The following SLC24A2 variants were observed in gnomAD, a reference collection of about 807,000 sequenced individuals.
SLC24A2 encodes the protein sodium/potassium/calcium exchanger 2.
SLC24A2 carries 36 observed loss-of-function variants against 62.0 expected under a neutral mutation model. The ratio of observed to expected loss-of-function variants is 0.58; its 90% CI spans 0.44 to 0.77. The LOEUF (loss-of-function observed/expected upper bound fraction) is 0.77, where lower values mean the gene tolerates loss of function less well. Among genes scored for constraint, SLC24A2 ranks in the 30% least tolerant of loss-of-function variants. The probability of loss-of-function intolerance (pLI) is 0.00; values close to 1 mark genes in which losing one functional copy is unlikely to be tolerated. For synonymous variants in SLC24A2, 358 were observed against 294.0 expected, an observed-to-expected ratio of 1.22 and a Z score of -2.23; for missense variants, 846 against 817.9, an observed-to-expected ratio of 1.03 and a Z score of -0.42.
intron 2 of SLC24A2, among the ~76,000 whole-genome samples, chr9:19,649,354 A>C (rs1232202238): frequency 3.9e-5 from 6 of 152,142 alleles, no homozygotes; most frequent in Non-Finnish European, 8.8e-5. Context: ...ACACAAAAAT[A>C]TGTTGGGTAT....
intron 2 of SLC24A2, among the ~76,000 whole-genome samples, chr9:19,682,460 C>T (rs964605817): frequency 3.3e-5 from 5 of 152,118 alleles, no homozygotes; most frequent in Non-Finnish European, 5.9e-5. Context: ...CTCTTTTCCC[C>T]TTCTGTAAAT....
At chr9:20,168,868 T>A in the SLC24A2 span, among the ~76,000 whole-genome samples, 1 of 152,004 alleles carries the variant, frequency 6.6e-6, no homozygotes, top group Non-Finnish European at 1.5e-5. Context: ...CCCAAAACAA[T>A]TGAAACCAGG....
At chr9:19,754,400 A>G (rs1347024092) in intron 2 of SLC24A2, among the ~76,000 whole-genome samples, 1 of 152,196 alleles carries the variant, frequency 6.6e-6, no homozygotes, top group African/African-American at 2.4e-5. Context: ...TAAGCACTTC[A>G]ACTGAACCTT....
At chr9:19,782,664 C>T (rs768769281) in intron 2 of SLC24A2, among the ~76,000 whole-genome samples, 8 of 152,112 alleles carry the variant, frequency 5.3e-5, no homozygotes, top group Non-Finnish European at 1.0e-4. Context: ...TAATTTATTC[C>T]AACTCATTTT....
chr9:20,041,930 C>G, the SLC24A2 span, among the ~76,000 whole-genome samples: 14 of 152,356 alleles, frequency 9.2e-5, no homozygotes, highest in African/African-American at 3.4e-4. Context: ...CGAGAGCCCC[C>G]CTTTCTGTCC....
At chr9:19,747,718 A>C (rs1280039001) in intron 2 of SLC24A2, among the ~76,000 whole-genome samples, 1 of 152,158 alleles carries the variant, frequency 6.6e-6, no homozygotes, top group African/African-American at 2.4e-5. Context: ...GGACAGATCA[A>C]ATGCAAATGT....
chr9:20,118,058 G>A, the SLC24A2 span, among the ~76,000 whole-genome samples: 3 of 152,038 alleles, frequency 2.0e-5, no homozygotes, highest in Non-Finnish European at 4.4e-5. Flanking sequence ...CATTATAGAA[G>A]GAATGTCTAG....
chr9:19,635,948 C>T (rs1037640075), intron 2 of SLC24A2, among the ~76,000 whole-genome samples: 3 of 152,174 alleles, frequency 2.0e-5, no homozygotes, highest in South Asian at 2.1e-4. Flanking sequence ...AGCAGGTTAA[C>T]GTCTGCTACT....
the SLC24A2 span, among the ~76,000 whole-genome samples, chr9:20,258,344 T>G: frequency 6.6e-6 from 1 of 152,220 alleles, no homozygotes; most frequent in East Asian, 1.9e-4. Flanking sequence ...GGTTTGGCAT[T>G]TGATTAGAAT....
chr9:20,147,650 T>C, the SLC24A2 span, among the ~76,000 whole-genome samples: 2 of 152,136 alleles, frequency 1.3e-5, no homozygotes, highest in African/African-American at 4.8e-5. Flanking sequence ...TCAGAAGATA[T>C]GTTTATTACA....
At chr9:19,789,304 G>C (rs1322858117), upstream of SLC24A2, among the ~76,000 whole-genome samples, 1 of 152,266 alleles carries the variant, frequency 6.6e-6, no homozygotes, top group Non-Finnish European at 1.5e-5. Flanking sequence ...AATTCACAAA[G>C]CCTGAAAGTG....
intron 2 of SLC24A2, among the ~76,000 whole-genome samples, chr9:19,624,983 T>C (rs994771872): frequency 6.6e-6 from 1 of 152,158 alleles, no homozygotes; most frequent in Non-Finnish European, 1.5e-5. Flanking sequence ...AAGTAACTAG[T>C]GAAGGTGACA....
chr9:19,835,684 A>T, the SLC24A2 span, among the ~76,000 whole-genome samples: 1 of 152,206 alleles, frequency 6.6e-6, no homozygotes, highest in Non-Finnish European at 1.5e-5. Flanking sequence ...GAAAGTTAAC[A>T]AGGATATCCA....
rs1018194089 is a variant in SLC24A2 at position 19,511,933 on chromosome 9, A to G, written c.*4220T>C. The G allele has an allele frequency of 1.3e-5, 2 of 152,246 alleles. No homozygotes were observed. Among genetic ancestry groups the G allele is most frequent in the African/African-American group, 4.8e-5 (2 of 41,444 alleles). 9.4% of individuals were successfully genotyped at this position (152,246 alleles called of 1,614,324 possible). On this transcript the variant is annotated 3_prime_UTR_variant, in exon 11 of 11. Coordinates refer to ENST00000341998, the MANE Select transcript of SLC24A2 (RefSeq NM_020344.4). ...AGGAAAGCACACTGCCATGTTCTGA[A>G]ATGCCTGCCATCAGACCCATGTTAG...
intron 2 of SLC24A2, among the ~76,000 whole-genome samples, chr9:19,681,676 G>T (rs889523646): frequency 6.6e-6 from 1 of 152,058 alleles, no homozygotes; most frequent in African/African-American, 2.4e-5. Context: ...AGGTTTTGGA[G>T]GAAAAACATT....
At chr9:19,984,984 T>A in the SLC24A2 span, among the ~76,000 whole-genome samples, 1 of 149,898 alleles carries the variant, frequency 6.7e-6, no homozygotes, top group Admixed American at 6.6e-5. Flanking sequence ...AAATAAGACA[T>A]CAACATGGTG....
chr9:19,996,838 G>T, the SLC24A2 span, among the ~76,000 whole-genome samples: 17 of 151,396 alleles, frequency 1.1e-4, no homozygotes, highest in Admixed American at 1.1e-3. Context: ...CAAGTGGTAC[G>T]TTTCCCTGGT....
chr9:19,883,806 C>A, the SLC24A2 span, among the ~76,000 whole-genome samples: 1 of 152,060 alleles, frequency 6.6e-6, no homozygotes, highest in African/African-American at 2.4e-5. Context: ...ACCTCGTGAT[C>A]CGCCCACCTT....
the SLC24A2 span, among the ~76,000 whole-genome samples, chr9:20,117,560 C>T: frequency 6.6e-6 from 1 of 152,066 alleles, no homozygotes; most frequent in South Asian, 2.1e-4. Flanking sequence ...TTTAAAAGTG[C>T]CTTGTAGACA....
Sources: allele counts gnomAD v4.1 joint callset (sites outside exome capture counted in the v4.1 genomes callset), GRCh38; gene constraint gnomAD v4.1.1; transcripts MANE v1.5; gene names NCBI Gene and HGNC (gene_info 2026-07-23, HGNC 2026-07-21).